The following GRK5 variants were observed in gnomAD, a reference collection of about 807,000 sequenced individuals.
GRK5 encodes G protein-coupled receptor kinase 5.
Under a neutral mutation model 78.4 loss-of-function variants are expected in GRK5, and 40 were observed. That is an observed-to-expected ratio of 0.51 (90% CI 0.40 to 0.66). GRK5 has a LOEUF of 0.66. GRK5 is among the 30% of genes least tolerant of loss of function. The pLI is 0.00. For missense variants in GRK5, 598 were observed against 759.9 expected (o/e 0.79, Z 2.50); for synonymous variants, 289 against 296.8 (o/e 0.97, Z 0.27).
At chr10:119,270,686 T>TGCTGGGGGAATGCACAAATTA (rs1160241187) in intron 1 of GRK5, among the ~76,000 whole-genome samples, 3 of 152,212 alleles carry the variant, frequency 2.0e-5, no homozygotes. Context: ...GACCCTCAAA[T>TGCTGGGGGAATGCACAAATTA]GCTGGGGGAA....
At chr10:119,327,112 G>T (rs1850692773) in intron 2 of GRK5, among the ~76,000 whole-genome samples, 1 of 152,102 alleles carries the variant, frequency 6.6e-6, no homozygotes, top group African/African-American at 2.4e-5. Context: ...TGTGGGGTGA[G>T]GTGGGGGAGG....
chr10:119,343,906 C>T (rs1214334104), intron 2 of GRK5, among the ~76,000 whole-genome samples: 1 of 152,150 alleles, frequency 6.6e-6, no homozygotes. Context: ...TATTAACCCA[C>T]TGTGTACGGC....
In GRK5 at chr10:119,300,943, C is replaced by CA. The variant is rs1272065819; in HGVS notation, c.53-25567dup. Among the ~76,000 whole-genome samples, 3 of 151,416 alleles carry CA rather than the reference C, an allele frequency of 2.0e-5. No homozygotes were observed. The East Asian group carries it at 5.8e-4, about 29-fold the overall frequency. ...CGTATCAACTAAAATGCAAAAAAAA[C>CA]AAAAAACAAAAAAAGCTAGGCATGA... On this transcript the variant is annotated intron_variant, in intron 1 of 15. Transcript: ENST00000392870.
At chr10:119,229,860 G>T (rs939870807) in intron 1 of GRK5, among the ~76,000 whole-genome samples, 1 of 152,142 alleles carries the variant, frequency 6.6e-6, no homozygotes, top group African/African-American at 2.4e-5. Flanking sequence ...TTTTCACCAC[G>T]GTCCAATGCA....
At chr10:119,290,370 A>AAC (rs1491498558) in intron 1 of GRK5, among the ~76,000 whole-genome samples, 2 of 131,246 alleles carry the variant, frequency 1.5e-5, no homozygotes, top group African/African-American at 6.0e-5. Context: ...AAAACAAAAA[A>AAC]CAACTCTGTC....
intron 1 of GRK5, among the ~76,000 whole-genome samples, chr10:119,229,703 G>T (rs902714770): frequency 6.6e-6 from 1 of 152,180 alleles, no homozygotes; most frequent in African/African-American, 2.4e-5. Flanking sequence ...CAGCCTTGAT[G>T]GGGGGCAGGG....
rs939407322 is a variant in GRK5 at position 119,271,467 on chromosome 10, T to A, written c.53-55049T>A. 6.6e-6 allele frequency among the ~76,000 whole-genome samples: 1 copy of A among 152,262 alleles called. No individual in the cohort carries two copies. Among genetic ancestry groups the A allele is most frequent in the Admixed American group, 6.5e-5 (1 of 15,292 alleles). On this transcript the variant is annotated intron_variant, in intron 1 of 15. Transcript: ENST00000392870. This position sits in a 1 kb window ranked among gnomAD's most constrained non-coding sequence, Gnocchi z 4.1. Reference sequence around the variant, plus strand: ...CTGCATTGACTTCTTTGTTTAGCTCTAGTAAACAGACATTTAGCATATACA... The same window carrying A: ...CTGCATTGACTTCTTTGTTTAGCTCAAGTAAACAGACATTTAGCATATACA...
At chr10:119,421,812 G>C (rs1852575218) in intron 4 of GRK5, among the ~76,000 whole-genome samples, 1 of 152,238 alleles carries the variant, frequency 6.6e-6, no homozygotes, top group African/African-American at 2.4e-5. Context: ...AGCCTGCAGA[G>C]AGGGCTGGAC....
At chr10:119,315,946 C>T (rs1850480159) in intron 1 of GRK5, among the ~76,000 whole-genome samples, 1 of 152,222 alleles carries the variant, frequency 6.6e-6, no homozygotes, top group Non-Finnish European at 1.5e-5. Context: ...CAAATGTGGT[C>T]CCCTGCATTA....
intron 1 of GRK5, among the ~76,000 whole-genome samples, chr10:119,291,928 T>TTTTCCTCC (rs748253606): frequency 0.12 from 15,415 of 129,946 alleles, 2,078 homozygotes; most frequent in Non-Finnish European, 0.16. Context: ...TTCTTCCTCC[T>TTTTCCTCC]TCTTTTCCTC....
intron 1 of GRK5, among the ~76,000 whole-genome samples, chr10:119,306,698 A>T (rs889001256): frequency 6.6e-6 from 1 of 152,062 alleles, no homozygotes; most frequent in Non-Finnish European, 1.5e-5. Context: ...TGAGCCCCTG[A>T]GCCTGGTGGG....
intron 3 of GRK5, among the ~76,000 whole-genome samples, chr10:119,381,357 C>T (rs1253548026): frequency 4.6e-5 from 7 of 152,248 alleles, no homozygotes; most frequent in African/African-American, 1.7e-4. Flanking sequence ...AGAATGCAAG[C>T]TCCCTGAGGG....
intron 3 of GRK5, among the ~76,000 whole-genome samples, chr10:119,384,683 G>C (rs12416565): frequency 0.25 from 37,630 of 147,636 alleles, 4,841 homozygotes; most frequent in African/African-American, 0.31. Flanking sequence ...AGTGCCACAC[G>C]TAACAGTTGA....
At chr10:119,367,749 G>A (rs1435776625) in intron 2 of GRK5, among the ~76,000 whole-genome samples, 2 of 152,260 alleles carry the variant, frequency 1.3e-5, no homozygotes, top group African/African-American at 4.8e-5. Flanking sequence ...CCCTGTGAGT[G>A]CACACGCCAG....
At chr10:119,261,128 CTCACTTTT>C in intron 1 of GRK5, among the ~76,000 whole-genome samples, 3 of 149,306 alleles carry the variant, frequency 2.0e-5, no homozygotes, top group African/African-American at 7.4e-5. Context: ...GGAGGGGTTC[CTCACTTTT>C]CAGACGGGGC....
At chr10:119,296,257 G>T (rs1266431371) in intron 1 of GRK5, among the ~76,000 whole-genome samples, 1 of 152,208 alleles carries the variant, frequency 6.6e-6, no homozygotes, top group African/African-American at 2.4e-5. Context: ...GCTGAAGAAG[G>T]TACTTTTGGA....
intron 1 of GRK5, among the ~76,000 whole-genome samples, chr10:119,316,951 C>G (rs1050216533): frequency 5.9e-5 from 9 of 152,216 alleles, no homozygotes; most frequent in African/African-American, 9.6e-5. Context: ...CCCAGCCCCC[C>G]TCATGAGTCA....
chr10:119,394,275 C>CTGCGTGTGTGGGTGTATCTGT (rs1554916264), intron 3 of GRK5, among the ~76,000 whole-genome samples: 5 of 19,158 alleles, frequency 2.6e-4, no homozygotes, highest in African/African-American at 1.1e-3. Flanking sequence ...TGTGTGTGGG[C>CTGCGTGTGTGGGTGTATCTGT]GTGTGTGTGG....
chr10:119,442,175 CCT>C, intron 11 of GRK5, 87 bp downstream of exon 11: 1 of 998,260 alleles, frequency 1.0e-6, no homozygotes. Flanking sequence ...GCCCGCAGAG[CCT>C]CTCGCCTCTT....
Sources: allele counts gnomAD v4.1 joint callset (sites outside exome capture counted in the v4.1 genomes callset), GRCh38; gene constraint gnomAD v4.1.1; non-coding constraint Gnocchi (gnomAD v3.1); transcripts MANE v1.5; gene names NCBI Gene and HGNC (gene_info 2026-07-23, HGNC 2026-07-21).